Variants in SLAMF1 observed in about 807,000 individuals in gnomAD.
SLAMF1 encodes signaling lymphocytic activation molecule.
Under a neutral mutation model 35.1 loss-of-function variants are expected in SLAMF1, and 18 were observed. That is an observed-to-expected ratio of 0.51 (90% CI 0.35 to 0.76). The LOEUF is 0.76. Among genes scored for constraint, SLAMF1 ranks in the 30% least tolerant of loss-of-function variants. SLAMF1 has a pLI of 0.01. For synonymous variants in SLAMF1, 168 were observed against 157.2 expected, an observed-to-expected ratio of 1.07 and a Z score of -0.51; for missense variants, 392 against 413.0, an observed-to-expected ratio of 0.95 and a Z score of 0.44.
intron 1 of SLAMF1, among the ~76,000 whole-genome samples, chr1:160,644,839 A>T (rs957108227): frequency 1.3e-5 from 2 of 152,168 alleles, no homozygotes; most frequent in African/African-American, 4.8e-5. Context: ...CAAGTCTAGA[A>T]CCCACGCACT....
At chr1:160,625,416 T>C (rs1354515360) in intron 3 of SLAMF1, among the ~76,000 whole-genome samples, 1 of 152,164 alleles carries the variant, frequency 6.6e-6, no homozygotes, top group Non-Finnish European at 1.5e-5. Flanking sequence ...CACAATCAGA[T>C]GTTTACAGAG....
chr1:160,612,324 A>T (rs1221412863), intron 6 of SLAMF1, among the ~76,000 whole-genome samples, 164 bp downstream of exon 6: 2 of 150,236 alleles, frequency 1.3e-5, no homozygotes, highest in East Asian at 1.9e-4. Context: ...TGTCATGAGG[A>T]TTTGTTATAC....
chr1:160,610,950 C>T, intron 6 of SLAMF1, 152 bp from the exon 7 acceptor site: 1 of 645,794 alleles, frequency 1.5e-6, no homozygotes, highest in Non-Finnish European at 2.8e-6. Flanking sequence ...TGGGACAGCA[C>T]TTGGGTTCCC....
At chr1:160,627,857 T>C (rs948048256) in intron 3 of SLAMF1, among the ~76,000 whole-genome samples, 1 of 152,166 alleles carries the variant, frequency 6.6e-6, no homozygotes, top group Admixed American at 6.5e-5. Context: ...TCACCTTGAA[T>C]TGTAATAATC....
chr1:160,615,335 G>A (rs164278), intron 5 of SLAMF1, among the ~76,000 whole-genome samples: 150,229 of 152,216 alleles, frequency 0.99, 74,171 homozygotes, highest in Middle Eastern at 1. Flanking sequence ...TTGTGGACTT[G>A]AAGTATTATG....
At position 160,609,898 on chromosome 1, in the gene SLAMF1, C is replaced by A. The variant is rs1214303372; in HGVS notation, c.*850G>T. 2 of 172,372 alleles carry A rather than the reference C, an allele frequency of 1.2e-5. No individual in the cohort carries two copies. The highest frequency in any genetic ancestry group is 4.8e-5 in the African/African-American group (2 of 41,536). The allele number at this position is 172,372 out of a possible 1,614,324, so 10.7% of individuals were successfully genotyped here. A position where few individuals can be genotyped will look rare whatever the true frequency, so the allele number is the denominator to read the frequency against. On this transcript the variant is annotated 3_prime_UTR_variant, in exon 7 of 7. Coordinates refer to ENST00000302035, the MANE Select transcript of SLAMF1 (RefSeq NM_003037.5). Reference sequence around the variant, plus strand: ...TTCCAGGTTTGTTGTTCAAGGGAATCAACAGAGAACTGGGATTTAAACATC... The same window carrying A: ...TTCCAGGTTTGTTGTTCAAGGGAATAAACAGAGAACTGGGATTTAAACATC...
At chr1:160,634,319 C>A (rs1340678137) in intron 3 of SLAMF1, 2 of 814,346 alleles carry the variant, frequency 2.5e-6, no homozygotes, top group Non-Finnish European at 3.0e-6. Context: ...GCCAACCTTG[C>A]AGGTTGGAGT....
intron 3 of SLAMF1, among the ~76,000 whole-genome samples, chr1:160,625,406 C>T (rs952277165): frequency 6.6e-6 from 1 of 152,128 alleles, no homozygotes; most frequent in Non-Finnish European, 1.5e-5. Context: ...TCATGGTGGA[C>T]ACAATCAGAT....
intron 3 of SLAMF1, among the ~76,000 whole-genome samples, chr1:160,626,217 A>G (rs1170053157): frequency 6.6e-6 from 1 of 152,222 alleles, no homozygotes; most frequent in Non-Finnish European, 1.5e-5. Flanking sequence ...ACTGGAAAAT[A>G]AAAGACAAAA....
At position 160,637,204 on chromosome 1, in the gene SLAMF1, C is replaced by T; in HGVS notation, c.402G>A (p.Gln134=). 2 of 1,613,724 alleles carry T rather than the reference C, an allele frequency of 1.2e-6. No individual in the cohort carries two copies. Among genetic ancestry groups the T allele is most frequent in the South Asian group, 2.2e-5 (2 of 91,064 alleles). The stretch of plus-strand genomic sequence containing the variant: ...CGCCATTATTACCATAAAGCCTCAA[C>T]TGCAGGCAAAAGCGCTGAACTGAAA... ...KNVSVQRFCL[Q]LRLYEQVSTP... is the part of the protein sequence containing the mutation. The change falls in exon 2 of 7, where the codon CAG becomes CAA. Residue 134 remains glutamine (Q), a synonymous_variant. Transcript: ENST00000302035.
rs555347583 is a variant in SLAMF1, at chr1:160,631,506, G to A, written c.700+3107C>T. On this transcript the variant is annotated intron_variant, in intron 3 of 6. Transcript: ENST00000302035. Reference sequence around the variant, plus strand: ...CCCTCCCCCAAATTTCTATGTTGAAGCTCTAACCCCAAGGACCTCAGAATA... The same window carrying A: ...CCCTCCCCCAAATTTCTATGTTGAAACTCTAACCCCAAGGACCTCAGAATA... Among the ~76,000 whole-genome samples, 5 of 152,294 alleles carry A rather than the reference G, an allele frequency of 3.3e-5. No individual in the cohort carries two copies. In the South Asian group the frequency reaches 1.0e-3, roughly 32 times the overall value.
At chr1:160,627,698 C>T (rs1659952180) in intron 3 of SLAMF1, among the ~76,000 whole-genome samples, 1 of 152,194 alleles carries the variant, frequency 6.6e-6, no homozygotes, top group Admixed American at 6.5e-5. Context: ...TCAAGCTGCA[C>T]ATGATTTCTG....
At chr1:160,637,163 T>C (rs766744569) in intron 2 of SLAMF1, 28 bp downstream of exon 2, 2 of 1,548,802 alleles carry the variant, frequency 1.3e-6, no homozygotes, top group South Asian at 1.1e-5. Flanking sequence ...GGCCCTTTAG[T>C]GTGGACTGGG....
chr1:160,613,497 T>C (rs1659113391), intron 5 of SLAMF1, among the ~76,000 whole-genome samples: 2 of 152,198 alleles, frequency 1.3e-5, no homozygotes, highest in African/African-American at 4.8e-5. Flanking sequence ...TGAGACCACA[T>C]CCTTGTAAGA....
intron 1 of SLAMF1, among the ~76,000 whole-genome samples, chr1:160,637,927 T>C (rs992578805): frequency 9.2e-5 from 14 of 152,020 alleles, no homozygotes; most frequent in African/African-American, 3.4e-4. Flanking sequence ...ATATACAGGA[T>C]GAAGGATGGA....
intron 6 of SLAMF1, among the ~76,000 whole-genome samples, 184 bp downstream of exon 6, chr1:160,612,299 ACATAG>A (rs2102256232): frequency 6.6e-6 from 1 of 150,928 alleles, no homozygotes; most frequent in Non-Finnish European, 1.5e-5. Flanking sequence ...CTGGTTTGTT[ACATAG>A]GTAAACTTGT....
intron 4 of SLAMF1, among the ~76,000 whole-genome samples, chr1:160,622,482 A>G (rs763266125): frequency 3.2e-4 from 49 of 152,150 alleles, no homozygotes; most frequent in African/African-American, 9.7e-5. Context: ...TTGTTTCCAG[A>G]TGCTTCCAGT....
chr1:160,626,449 T>A (rs1408152837), intron 3 of SLAMF1, among the ~76,000 whole-genome samples: 1 of 152,238 alleles, frequency 6.6e-6, no homozygotes, highest in African/African-American at 2.4e-5. Flanking sequence ...CATCTAGATC[T>A]GAGAGACAAG....
rs950324579 is a variant in SLAMF1 at position 160,610,639 on chromosome 1, C to T, written c.*109G>A. On this transcript the variant is annotated 3_prime_UTR_variant, in exon 7 of 7. Coordinates refer to ENST00000302035, the MANE Select transcript of SLAMF1 (RefSeq NM_003037.5). ...CCAGGGAGTTGATCTGAGAAGGGTA[C>T]AGACGTGCAGCATGTCTGCCAGAGG... The T allele has an allele frequency of 2.6e-6, 2 of 770,696 alleles. No homozygotes were observed. Among genetic ancestry groups the T allele is most frequent in the Non-Finnish European group, 4.7e-6 (2 of 425,764 alleles). 47.7% of individuals were successfully genotyped at this position (770,696 alleles called of 1,614,324 possible).
Sources: gnomAD v4.1 joint callset for allele counts (sites outside exome capture counted in the v4.1 genomes callset) on GRCh38, gnomAD v4.1.1 for gene constraint, MANE v1.5 for transcripts, NCBI Gene and HGNC (gene_info 2026-07-23, HGNC 2026-07-21) for gene names.